ANKRD26: variants seen among roughly 807,000 people sequenced by gnomAD.
ANKRD26 encodes the protein ankyrin repeat domain-containing protein 26.
In ANKRD26, 141 loss-of-function variants were observed where a neutral mutation model predicts 208.7. The ratio of observed to expected loss-of-function variants is 0.68; its 90% CI spans 0.59 to 0.78. The LOEUF is 0.78. Among genes scored for constraint, ANKRD26 ranks in the 30% least tolerant of loss-of-function variants. ANKRD26 has a pLI of 0.00. For missense variants in ANKRD26, 1,889 were observed against 1,938.7 expected, an observed-to-expected ratio of 0.97 and a Z score of 0.48; for synonymous variants, 636 against 660.4, an observed-to-expected ratio of 0.96 and a Z score of 0.57.
chr10:26,970,847 C>G (rs1264225195), downstream of ANKRD26, among the ~76,000 whole-genome samples: 1 of 152,044 alleles, frequency 6.6e-6, no homozygotes, highest in African/African-American at 2.4e-5. Context: ...ATAAGAAAGA[C>G]AGTAAAAACA....
the ANKRD26 span, among the ~76,000 whole-genome samples, chr10:26,953,234 A>T: frequency 1.5e-4 from 23 of 152,200 alleles, no homozygotes; most frequent in African/African-American, 5.3e-4. Flanking sequence ...AGACCAGCCT[A>T]GGCAACATAA....
chr10:27,078,969 G>T, intron 7 of ANKRD26, 120 bp downstream of exon 7: 3 of 703,356 alleles, frequency 4.3e-6, no homozygotes, highest in Non-Finnish European at 7.2e-6. Context: ...GGCTTCCCCT[G>T]ACCACCTTTC....
chr10:26,985,106 A>G (rs1300149239), intron 3 of ANKRD26, among the ~76,000 whole-genome samples: 1 of 152,138 alleles, frequency 6.6e-6, no homozygotes, highest in Non-Finnish European at 1.5e-5. Context: ...ACACGTAGAT[A>G]GTTACTAAAA....
At chr10:27,009,575 T>C (rs2053018187) in intron 32 of ANKRD26, among the ~76,000 whole-genome samples, 1 of 152,164 alleles carries the variant, frequency 6.6e-6, no homozygotes, top group Non-Finnish European at 1.5e-5. Flanking sequence ...AACTGTCCTA[T>C]TGAGGTAGAC....
At chr10:27,056,671 G>C (rs1329801765) in intron 15 of ANKRD26, among the ~76,000 whole-genome samples, 1 of 151,936 alleles carries the variant, frequency 6.6e-6, no homozygotes, top group Non-Finnish European at 1.5e-5. Flanking sequence ...CAGCTACTTG[G>C]GAGGCTGAGG....
At chr10:27,029,014 A>G in intron 26 of ANKRD26, 69 bp from the exon 27 acceptor site, 1 of 1,278,290 alleles carries the variant, frequency 7.8e-7, no homozygotes, top group Admixed American at 2.0e-5. Context: ...ATTTCTTAGC[A>G]AACACCTGAA....
chr10:26,963,158 A>ACCTCT, the ANKRD26 span, among the ~76,000 whole-genome samples: 1 of 151,918 alleles, frequency 6.6e-6, no homozygotes, highest in Non-Finnish European at 1.5e-5. Context: ...TCCAACGGCC[A>ACCTCT]CCTCTCCTCC....
Position 27,033,292 on chromosome 10 carries a change from C to T in ANKRD26, c.3740G>A (p.Arg1247His), listed in dbSNP as rs755543607. ...CTCATCTTCTAAATTAATACGATAA[C>T]GTGACGTAACCTCCAGTGAAGCCTC... ...MSEASLEVTS[R>H]YRINLEDETQ... The change falls in exon 25 of 34, where the codon CGT (arginine) becomes CAT (histidine). Residue 1247 changes from arginine to histidine, a missense_variant. By Grantham distance (29) the Arg-to-His change is conservative. Coordinates refer to ENST00000376087, the MANE Select transcript of ANKRD26 (RefSeq NM_014915.3). 2.5e-6 allele frequency: 4 copies of T among 1,612,568 alleles called. No homozygotes were observed. Among genetic ancestry groups the T allele is most frequent in the Non-Finnish European group, 3.4e-6 (4 of 1,179,002 alleles).
At chr10:27,086,101 G>T (rs866633653) in intron 5 of ANKRD26, among the ~76,000 whole-genome samples, 7 of 152,220 alleles carry the variant, frequency 4.6e-5, no homozygotes, top group Middle Eastern at 3.4e-3. Flanking sequence ...GGGATCACCA[G>T]TCCTAATATG....
rs74804820 is a variant in ANKRD26 at position 27,074,928 on chromosome 10, C to A, written c.1077+2410G>T. ...AAGCCAGGAGGGACTGGAGTCCTAT[C>A]TATAGTCTCCTTAAATAGGAAAAAA... On this transcript the variant is annotated intron_variant, in intron 9 of 33. Coordinates refer to ENST00000376087, the MANE Select transcript of ANKRD26 (RefSeq NM_014915.3). 4.3e-3 allele frequency among the ~76,000 whole-genome samples: 650 copies of A among 152,184 alleles called. 2 individuals carry two copies. The highest frequency in any genetic ancestry group is 0.015 in the African/African-American group (619 of 41,544).
intron 4 of ANKRD26, among the ~76,000 whole-genome samples, chr10:26,998,691 T>C (rs527496349): frequency 1.3e-5 from 2 of 152,352 alleles, no homozygotes; most frequent in South Asian, 4.1e-4. Flanking sequence ...TCCTCTATTA[T>C]TGGTTGTTTT....
At chr10:27,096,465 T>A (rs2135757736) in intron 1 of ANKRD26, among the ~76,000 whole-genome samples, 1 of 152,250 alleles carries the variant, frequency 6.6e-6, no homozygotes, top group Non-Finnish European at 1.5e-5. Flanking sequence ...AATCCTCACT[T>A]CAAAGATATC....
chr10:26,981,832 C>T (rs1257646883), intron 4 of ANKRD26, among the ~76,000 whole-genome samples: 4 of 152,130 alleles, frequency 2.6e-5, no homozygotes, highest in Admixed American at 6.6e-5. Flanking sequence ...ACTCCCTGAA[C>T]TAGTTTGGTC....
At position 27,035,094 on chromosome 10, in the gene ANKRD26, T is replaced by C. The variant is rs1385594419; in HGVS notation, c.3356A>G (p.Gln1119Arg). Residue 1119 changes from glutamine (Q) to arginine (R), a missense_variant, in exon 24 of 34, where the codon CAA (glutamine) becomes CGA (arginine). This residue lies in a region of ANKRD26 where 613 missense variants were observed against 648.2 expected (regional missense o/e 0.95). Transcript: ENST00000376087. Reference protein sequence around the residue: ...KEMEQKYQNEQVKVNKYIGKQ... With the variant: ...KEMEQKYQNERVKVNKYIGKQ... The stretch of plus-strand genomic sequence containing the variant: ...TCCAATGTATTTATTCACTTTAACT[T>C]GTTCATTTTGATACTTTTGTTCCAT... The C allele has an allele frequency of 9.9e-6, 16 of 1,612,656 alleles. No individual in the cohort carries two copies. The highest frequency in any genetic ancestry group is 1.3e-5 in the Non-Finnish European group (15 of 1,179,352).
At chr10:27,005,916 T>G (rs1300174028) in intron 33 of ANKRD26, among the ~76,000 whole-genome samples, 193 bp from the exon 34 acceptor site, 2 of 152,190 alleles carry the variant, frequency 1.3e-5, no homozygotes, top group African/African-American at 4.8e-5. Context: ...ATCCTTGTGG[T>G]TAAATATCAG....
At chr10:27,046,238 G>T in intron 18 of ANKRD26, 115 bp downstream of exon 18, 1 of 1,076,058 alleles carries the variant, frequency 9.3e-7, no homozygotes, top group Non-Finnish European at 1.4e-6. Flanking sequence ...TAATCTTTCA[G>T]CAGCATGGAA....
chr10:27,042,951 T>TAAAA (rs2054308736), intron 20 of ANKRD26, among the ~76,000 whole-genome samples: 1 of 83,344 alleles, frequency 1.2e-5, no homozygotes, highest in African/African-American at 5.5e-5. Flanking sequence ...AAATTTTGTC[T>TAAAA]CAAAAAAAAA....
intron 9 of ANKRD26, among the ~76,000 whole-genome samples, chr10:27,076,172 A>G (rs4481929): frequency 0.29 from 43,762 of 151,074 alleles, 7,223 homozygotes; most frequent in East Asian, 0.42. Flanking sequence ...AAGAAATGAA[A>G]TAACAAAGAT....
At chr10:27,100,056 A>C in intron 1 of ANKRD26, 29 bp downstream of exon 1, 1 of 1,612,912 alleles carries the variant, frequency 6.2e-7, no homozygotes. Context: ...CTCCAGTGGC[A>C]CTCAGTCCGG....
Sources: gnomAD v4.1 joint callset for allele counts (sites outside exome capture counted in the v4.1 genomes callset) on GRCh38, gnomAD v4.1.1 for gene constraint, gnomAD v4.1.1 regional missense constraint, MANE v1.5 for transcripts, NCBI Gene and HGNC (gene_info 2026-07-23, HGNC 2026-07-21) for gene names.